SLIT3: variants seen among roughly 807,000 people sequenced by gnomAD.
The protein encoded by SLIT3 is slit homolog 3 protein.
In SLIT3, 68 loss-of-function variants were observed where a neutral mutation model predicts 184.0. That is an observed-to-expected ratio of 0.37 (90% CI 0.30 to 0.45). The LOEUF is 0.45. SLIT3 is among the 20% of genes least tolerant of loss of function. SLIT3 has a pLI of 1.00. For missense variants in SLIT3, 1,707 were observed against 2,026.0 expected, an observed-to-expected ratio of 0.84 and a Z score of 3.02; for synonymous variants, 831 against 828.6, an observed-to-expected ratio of 1.00 and a Z score of -0.05.
intron 4 of SLIT3, among the ~76,000 whole-genome samples, chr5:169,192,241 C>G (rs1763577581): frequency 6.6e-6 from 1 of 152,114 alleles, no homozygotes; most frequent in Non-Finnish European, 1.5e-5. Context: ...CTACATTTAG[C>G]AAAGTCAGCT....
intron 4 of SLIT3, among the ~76,000 whole-genome samples, chr5:169,075,812 C>A (rs1758716750): frequency 6.6e-6 from 1 of 152,230 alleles, no homozygotes. Flanking sequence ...CTTTCTCCAG[C>A]CATGCTAGTA....
intron 10 of SLIT3, among the ~76,000 whole-genome samples, chr5:168,793,858 G>A (rs1262116402): frequency 6.6e-6 from 1 of 152,086 alleles, no homozygotes; most frequent in Non-Finnish European, 1.5e-5. Context: ...GAGATTAATG[G>A]CCCGAGGTTT....
chr5:169,049,783 C>A (rs1239984540), intron 4 of SLIT3, among the ~76,000 whole-genome samples: 1 of 152,154 alleles, frequency 6.6e-6, no homozygotes, highest in Non-Finnish European at 1.5e-5. Flanking sequence ...AGACAGAAAC[C>A]TAAACTCTAA....
intron 4 of SLIT3, among the ~76,000 whole-genome samples, chr5:169,180,961 A>G (rs1435651952): frequency 1.3e-5 from 2 of 152,144 alleles, no homozygotes; most frequent in Non-Finnish European, 2.9e-5. Context: ...ACCCATGCAC[A>G]TCTCTTCCAG....
chr5:168,954,132 G>A (rs371240048), intron 4 of SLIT3, among the ~76,000 whole-genome samples: 1 of 152,108 alleles, frequency 6.6e-6, no homozygotes, highest in Non-Finnish European at 1.5e-5. Context: ...AGGCAAGAAG[G>A]GGGGCAGAAT....
intron 4 of SLIT3, among the ~76,000 whole-genome samples, chr5:169,032,938 T>C (rs963624546): frequency 6.9e-6 from 1 of 145,042 alleles, no homozygotes; most frequent in African/African-American, 2.6e-5. Flanking sequence ...TTTTTTTTTT[T>C]TTTTTTTTTT....
intron 4 of SLIT3, among the ~76,000 whole-genome samples, chr5:168,960,929 G>A (rs1465560222): frequency 6.6e-6 from 1 of 152,232 alleles, no homozygotes; most frequent in Non-Finnish European, 1.5e-5. Flanking sequence ...CAGGAAGCAA[G>A]GCTTTTGGCA....
At chr5:169,185,125 C>A (rs999815432) in intron 4 of SLIT3, among the ~76,000 whole-genome samples, 4 of 152,228 alleles carry the variant, frequency 2.6e-5, no homozygotes, top group African/African-American at 9.6e-5. Flanking sequence ...ATAATCCATT[C>A]TCTGTCCACA....
chr5:169,092,223 CA>C (rs888958620), intron 4 of SLIT3, among the ~76,000 whole-genome samples: 1 of 151,472 alleles, frequency 6.6e-6, no homozygotes, highest in Admixed American at 6.6e-5. Context: ...AACTCTGTTT[CA>C]AAAAAAAGAC....
intron 3 of SLIT3, among the ~76,000 whole-genome samples, chr5:169,194,071 A>G (rs62376884): frequency 0.15 from 22,816 of 151,802 alleles, 2,058 homozygotes; most frequent in East Asian, 0.45. Flanking sequence ...CGTTTCTAAT[A>G]AAAATACAAA....
intron 6 of SLIT3, among the ~76,000 whole-genome samples, chr5:168,826,685 T>C (rs144269652): frequency 3.1e-3 from 471 of 152,342 alleles, no homozygotes; most frequent in African/African-American, 0.01. Flanking sequence ...AGATGAGATG[T>C]TACTGATAAC....
intron 4 of SLIT3, among the ~76,000 whole-genome samples, chr5:169,053,320 G>T (rs1036287401): frequency 4.6e-5 from 7 of 152,170 alleles, no homozygotes; most frequent in African/African-American, 1.7e-4. Flanking sequence ...GACATGAATT[G>T]AGTTCAGTAA....
At chr5:168,949,462 C>A (rs1207830570) in intron 4 of SLIT3, among the ~76,000 whole-genome samples, 1 of 152,192 alleles carries the variant, frequency 6.6e-6, no homozygotes, top group East Asian at 1.9e-4. Context: ...GCCAGCCTAT[C>A]CTCCAGAGAA....
intron 4 of SLIT3, among the ~76,000 whole-genome samples, chr5:169,079,401 G>T (rs903313765): frequency 7.3e-6 from 1 of 137,446 alleles, no homozygotes; most frequent in Admixed American, 8.3e-5. Flanking sequence ...CAGCTGAAAC[G>T]AAAACTCCCA....
chr5:168,831,185 C>T (rs1390739771), intron 6 of SLIT3, among the ~76,000 whole-genome samples: 1 of 152,122 alleles, frequency 6.6e-6, no homozygotes, highest in Admixed American at 6.5e-5. Context: ...TTTAAGAATA[C>T]CCTGTAGAAT....
chr5:169,165,825 C>G (rs1469612221), intron 4 of SLIT3, among the ~76,000 whole-genome samples: 1 of 152,208 alleles, frequency 6.6e-6, no homozygotes, highest in African/African-American at 2.4e-5. Context: ...TGCACCCCCA[C>G]TAGAATGGGA....
intron 4 of SLIT3, among the ~76,000 whole-genome samples, chr5:169,044,302 A>G (rs1419882027): frequency 6.6e-6 from 1 of 152,230 alleles, no homozygotes; most frequent in Admixed American, 6.5e-5. Flanking sequence ...TACCTAATAC[A>G]ACTGAAAACA....
In SLIT3 at chr5:168,687,127, G is replaced by A; in HGVS notation, c.3177-11C>T. On this transcript the variant is annotated splice_polypyrimidine_tract_variant and intron_variant, in intron 29 of 35. Coordinates refer to ENST00000519560, the MANE Select transcript of SLIT3 (RefSeq NM_003062.4). ...GGGACACACTCGCAGCTGGAACATAGGCAGAGGCAAGGCCGTTCCTCAAGG... is the reference window on the plus strand; with the variant it reads ...GGGACACACTCGCAGCTGGAACATAAGCAGAGGCAAGGCCGTTCCTCAAGG... 1 of 1,612,264 alleles carries A rather than the reference G, an allele frequency of 6.2e-7. No individual in the cohort carries two copies. The highest frequency in any genetic ancestry group is 8.5e-7 in the Non-Finnish European group (1 of 1,178,382).
At chr5:168,940,048 T>C (rs907292325) in intron 4 of SLIT3, among the ~76,000 whole-genome samples, 2 of 152,164 alleles carry the variant, frequency 1.3e-5, no homozygotes, top group Non-Finnish European at 2.9e-5. Context: ...CAGATGGTAA[T>C]ACAGTCGGGG....
Sources: gnomAD v4.1 joint callset for allele counts (sites outside exome capture counted in the v4.1 genomes callset) on GRCh38, gnomAD v4.1.1 for gene constraint, MANE v1.5 for transcripts, NCBI Gene and HGNC (gene_info 2026-07-23, HGNC 2026-07-21) for gene names.